WDPCP: variants seen among roughly 807,000 people sequenced by gnomAD.
The protein encoded by WDPCP is WD repeat-containing and planar cell polarity effector protein fritz homolog.
Under a neutral mutation model 93.1 loss-of-function variants are expected in WDPCP, and 71 were observed. The observed-to-expected ratio is 0.76, with a 90% confidence interval of 0.63 to 0.93. WDPCP has a LOEUF of 0.93. Ranked by LOEUF, WDPCP falls within the 40% of genes least tolerant of loss-of-function variation. WDPCP has a pLI of 0.00. For synonymous variants in WDPCP, 315 were observed against 315.0 expected (o/e 1.00, Z 0.00); for missense variants, 844 against 887.4 (o/e 0.95, Z 0.62).
At chr2:63,153,118 T>G in intron 16 of WDPCP, 173 bp from the exon 17 acceptor site, 1 of 621,720 alleles carries the variant, frequency 1.6e-6, no homozygotes, top group Non-Finnish European at 2.8e-6. Flanking sequence ...TGCCAATCAT[T>G]TTCATATATA....
Position 63,143,922 on chromosome 2 carries a change from G to A in WDPCP, c.2190+8992C>T, listed in dbSNP as rs190154160. ...TAACCTGATGACTATGTGCCTAGGC[G>A]AAGATCTTTTTGCAATGAATTTTCC... On this transcript the variant is annotated intron_variant, in intron 17 of 17. Coordinates refer to ENST00000272321, the MANE Select transcript of WDPCP (RefSeq NM_015910.7). Among the ~76,000 whole-genome samples, 515 of 152,258 alleles carry A rather than the reference G, an allele frequency of 3.4e-3. 3 individuals carry two copies. The highest frequency in any genetic ancestry group is 0.012 in the African/African-American group (486 of 41,556).
intron 2 of WDPCP, among the ~76,000 whole-genome samples, chr2:63,706,600 C>CTTTTTTTTT (rs896018299): frequency 9.7e-5 from 6 of 61,700 alleles, no homozygotes; most frequent in Admixed American, 1.7e-4. Flanking sequence ...AAATTCTTTT[C>CTTTTTTTTT]TTTTTTTTTT....
intron 2 of WDPCP, among the ~76,000 whole-genome samples, chr2:63,689,717 CT>C (rs959412862): frequency 6.6e-6 from 1 of 152,192 alleles, no homozygotes; most frequent in Non-Finnish European, 1.5e-5. Flanking sequence ...TCATCATCCT[CT>C]CTTATTTCTT....
chr2:63,223,935 A>G (rs1678059112), intron 14 of WDPCP, among the ~76,000 whole-genome samples: 1 of 152,078 alleles, frequency 6.6e-6, no homozygotes, highest in South Asian at 2.1e-4. Context: ...CAATTACTAT[A>G]GACTTGTAAA....
chr2:63,704,509 G>T (rs149085527), intron 2 of WDPCP, among the ~76,000 whole-genome samples: 6 of 152,110 alleles, frequency 3.9e-5, no homozygotes, highest in African/African-American at 7.2e-5. Flanking sequence ...TAGCATGAAG[G>T]GTTGTTGAAT....
At chr2:63,485,828 T>C (rs1314971478) in intron 4 of WDPCP, among the ~76,000 whole-genome samples, 1 of 151,836 alleles carries the variant, frequency 6.6e-6, no homozygotes, top group East Asian at 1.9e-4. Context: ...CATATACATA[T>C]ACATAGTATA....
At chr2:63,245,886 C>A (rs1680231527) in intron 14 of WDPCP, among the ~76,000 whole-genome samples, 1 of 152,064 alleles carries the variant, frequency 6.6e-6, no homozygotes, top group Non-Finnish European at 1.5e-5. Context: ...CACCTTAGCA[C>A]TTACTATTTT....
intron 2 of WDPCP, among the ~76,000 whole-genome samples, chr2:63,715,606 AT>A (rs1323736083): frequency 2.6e-5 from 4 of 152,200 alleles, no homozygotes; most frequent in Admixed American, 2.0e-4. Context: ...TTGAGATTAA[AT>A]TTTTTCATGC....
At chr2:63,633,977 ACTTG>A (rs1709891667) in intron 3 of WDPCP, among the ~76,000 whole-genome samples, 1 of 152,058 alleles carries the variant, frequency 6.6e-6, no homozygotes. Flanking sequence ...AAGGAGAATC[ACTTG>A]AACCTGGGAG....
At chr2:63,433,982 T>C (rs1161574298) in intron 8 of WDPCP, 46 bp from the exon 9 acceptor site, 50 of 1,576,910 alleles carry the variant, frequency 3.2e-5, no homozygotes, top group Non-Finnish European at 4.1e-5. Flanking sequence ...TTTTAAAAGA[T>C]GCAAAATCCT....
intron 12 of WDPCP, among the ~76,000 whole-genome samples, chr2:63,354,561 A>G (rs1020484715): frequency 1.3e-5 from 2 of 152,160 alleles, no homozygotes; most frequent in Non-Finnish European, 2.9e-5. Context: ...CCAACTGACC[A>G]ATAAGTCTAA....
chr2:63,789,492 T>C (rs1481445682), intron 2 of WDPCP, among the ~76,000 whole-genome samples: 1 of 152,160 alleles, frequency 6.6e-6, no homozygotes, highest in African/African-American at 2.4e-5. Flanking sequence ...AGAGTCAGCC[T>C]ATGCTGAGAG....
chr2:63,459,822 C>CAGAAAAA, intron 6 of WDPCP, among the ~76,000 whole-genome samples: 4 of 152,118 alleles, frequency 2.6e-5, no homozygotes, highest in Non-Finnish European at 2.9e-5. Context: ...GAGGCTGAGG[C>CAGAAAAA]AAGAGAATGG....
At chr2:63,660,847 A>G (rs1217616707) in intron 2 of WDPCP, among the ~76,000 whole-genome samples, 1 of 152,238 alleles carries the variant, frequency 6.6e-6, no homozygotes, top group Non-Finnish European at 1.5e-5. Flanking sequence ...AACTCTTCAT[A>G]TAAGAATTAA....
At chr2:63,336,869 T>C (rs1272898977) in intron 12 of WDPCP, among the ~76,000 whole-genome samples, 2 of 151,196 alleles carry the variant, frequency 1.3e-5, no homozygotes, top group Non-Finnish European at 2.9e-5. Flanking sequence ...TAACCACCAG[T>C]CTACTCTCTA....
upstream of WDPCP, among the ~76,000 whole-genome samples, chr2:63,831,683 G>GTGTA (rs565086350): frequency 6.7e-6 from 1 of 148,326 alleles, no homozygotes; most frequent in African/African-American, 2.5e-5. Context: ...ATTTGTGTGT[G>GTGTA]TATATATATA....
intron 3 of WDPCP, chr2:63,595,363 CTT>C: frequency 9.5e-7 from 1 of 1,049,834 alleles, no homozygotes; most frequent in Non-Finnish European, 1.5e-6. Flanking sequence ...TGTGAAAAGA[CTT>C]TCTTGTGTCT....
At chr2:63,808,962 A>G (rs57724389) in intron 2 of WDPCP, among the ~76,000 whole-genome samples, 4,593 of 147,032 alleles carry the variant, frequency 0.031, 243 homozygotes, top group African/African-American at 0.11. Context: ...GCCTCCCATC[A>G]TCTGAGATGT....
intron 14 of WDPCP, among the ~76,000 whole-genome samples, chr2:63,241,440 A>G (rs1679852010): frequency 6.6e-6 from 1 of 152,190 alleles, no homozygotes; most frequent in African/African-American, 2.4e-5. Context: ...CGCAGTTTCA[A>G]TTGTTTATAG....
Sources: gnomAD v4.1 joint callset for allele counts (sites outside exome capture counted in the v4.1 genomes callset) on GRCh38, gnomAD v4.1.1 for gene constraint, MANE v1.5 for transcripts, NCBI Gene and HGNC (gene_info 2026-07-23, HGNC 2026-07-21) for gene names.